Variants in DPYSL5 observed in about 807,000 individuals in gnomAD.
DPYSL5 encodes dihydropyrimidinase-related protein 5.
DPYSL5 carries 9 observed loss-of-function variants against 58.4 expected under a neutral mutation model. The observed-to-expected ratio is 0.15, with a 90% CI of 0.09 to 0.27. The LOEUF (loss-of-function observed/expected upper bound fraction) is 0.27, where lower values mean the gene tolerates loss of function less well. DPYSL5 is among the 10% of genes least tolerant of loss of function. The probability of loss-of-function intolerance (pLI) is 1.00; values close to 1 mark genes in which losing one functional copy is unlikely to be tolerated. For missense variants in DPYSL5, 499 were observed against 770.6 expected (o/e 0.65, Z 4.17); for synonymous variants, 293 against 301.9 (o/e 0.97, Z 0.31).
Position 26,934,016 on chromosome 2 carries a change from C to T in DPYSL5, c.791-562C>T, listed in dbSNP as rs376531185. Among the ~76,000 whole-genome samples, 96 of 152,196 alleles carry T rather than the reference C, an allele frequency of 6.3e-4. 2 individuals are homozygous for T. The highest frequency in any genetic ancestry group is 2.1e-3 in the African/African-American group (88 of 41,526). On this transcript the variant is annotated intron_variant, in intron 7 of 12. Transcript: ENST00000288699. This position sits in a 1 kb window ranked among gnomAD's most constrained non-coding sequence, Gnocchi z 4.3. ...AGGGCATCCTGGCCTTCAACTCTAT[C>T]GCCCTCTAGATCCCGCCACCTGCCT...
intron 8 of DPYSL5, chr2:26,939,161 A>G (rs1665255376): frequency 6.6e-6 from 1 of 151,844 alleles, no homozygotes; most frequent in Non-Finnish European, 1.5e-5. Context: ...CTTTTCAGAC[A>G]GAGTCTCCCT....
Position 26,904,719 on chromosome 2 carries a change from A to C in DPYSL5, c.261+5959A>C, listed in dbSNP as rs527903679. Among the ~76,000 whole-genome samples the C allele has an allele frequency of 2.6e-5, 4 of 152,280 alleles. No individual in the cohort carries two copies. In the South Asian group the frequency reaches 8.3e-4, roughly 32 times the overall value. ...GGAGTTTGAGAGCAGCCTGGGCAACATGGCAAAACCCCATCTCTACAAAAA... is the reference window on the plus strand; with the variant it reads ...GGAGTTTGAGAGCAGCCTGGGCAACCTGGCAAAACCCCATCTCTACAAAAA... On this transcript the variant is annotated intron_variant, in intron 2 of 12. Transcript: ENST00000288699.
intron 1 of DPYSL5, among the ~76,000 whole-genome samples, chr2:26,854,659 C>T (rs1256824150): frequency 1.3e-5 from 2 of 152,166 alleles, no homozygotes; most frequent in Non-Finnish European, 2.9e-5. Context: ...CCTCTTTTCT[C>T]GTCCAGGTGG....
At chr2:26,921,524 T>C (rs192940302) in intron 2 of DPYSL5, among the ~76,000 whole-genome samples, 98 of 152,298 alleles carry the variant, frequency 6.4e-4, no homozygotes, top group African/African-American at 2.4e-3. Flanking sequence ...TTGTGGGGGA[T>C]GACACTAAAA....
chr2:26,854,797 TTTTTTCTTTTTC>T (rs764916271), intron 1 of DPYSL5, among the ~76,000 whole-genome samples: 48 of 151,876 alleles, frequency 3.2e-4, no homozygotes, highest in African/African-American at 1.1e-3. Context: ...CATTTAAATT[TTTTTTCTTTTTC>T]TTTTTCTTTT....
At chr2:26,889,976 C>A (rs1379410723) in intron 1 of DPYSL5, among the ~76,000 whole-genome samples, 1 of 152,170 alleles carries the variant, frequency 6.6e-6, no homozygotes. Context: ...TGTCCACAGT[C>A]CACAGCGAGG....
chr2:26,921,174 C>A lies in DPYSL5; in HGVS notation c.262-3713C>A, dbSNP rs140246269. 4.7e-3 allele frequency among the ~76,000 whole-genome samples: 708 copies of A among 152,118 alleles called. 3 individuals carry two copies. Among genetic ancestry groups the A allele is most frequent in the African/African-American group, 0.016 (656 of 41,450 alleles). ...ACCTAACGTAACTAAACAAAAAAAA[C>A]CCCAATTATTTCATGTTGTCAGGAA... is the stretch of plus-strand genomic sequence containing the variant. On this transcript the variant is annotated intron_variant, in intron 2 of 12. Coordinates refer to ENST00000288699, the MANE Select transcript of DPYSL5 (RefSeq NM_020134.4).
At chr2:26,853,712 G>C (rs1405647125) in intron 1 of DPYSL5, among the ~76,000 whole-genome samples, 1 of 152,174 alleles carries the variant, frequency 6.6e-6, no homozygotes, top group African/African-American at 2.4e-5. Flanking sequence ...GGAGCTCATG[G>C]TGCACTCTTT....
At chr2:26,932,123 GAGAAAGAAAGAAAGAGAA>G (rs1352965042) in intron 6 of DPYSL5, among the ~76,000 whole-genome samples, 2 of 106,076 alleles carry the variant, frequency 1.9e-5, no homozygotes, top group Admixed American at 9.5e-5. Flanking sequence ...AAAAAAGAAA[GAGAAAGAAAGAAAGAGAA>G]AGAAAGAAAG....
chr2:26,924,409 G>A lies in DPYSL5; in HGVS notation c.262-478G>A, dbSNP rs571063024. ...TATCCAAATTAACATTTTCTATATCGTGGTTCAAATATACGTGTGTAACTA... is the reference window on the plus strand; with the variant it reads ...TATCCAAATTAACATTTTCTATATCATGGTTCAAATATACGTGTGTAACTA... On this transcript the variant is annotated intron_variant, in intron 2 of 12. Coordinates refer to ENST00000288699, the MANE Select transcript of DPYSL5 (RefSeq NM_020134.4). This position sits in a 1 kb window ranked among gnomAD's most constrained non-coding sequence, Gnocchi z 4.7. Among the ~76,000 whole-genome samples, 4 of 152,250 alleles carry A rather than the reference G, an allele frequency of 2.6e-5. No individual in the cohort carries two copies. The East Asian group carries it at 7.7e-4, about 29-fold the overall frequency.
intron 1 of DPYSL5, 198 bp downstream of exon 1, chr2:26,848,452 GTCCTCTTTGT>G (rs1416076003): frequency 6.6e-6 from 1 of 152,500 alleles, no homozygotes. Flanking sequence ...CGCTCTTGGG[GTCCTCTTTGT>G]ACGCCCGCGA....
chr2:26,917,627 A>G (rs868169952), intron 2 of DPYSL5, among the ~76,000 whole-genome samples: 1 of 152,202 alleles, frequency 6.6e-6, no homozygotes, highest in Non-Finnish European at 1.5e-5. Context: ...CCAAGTGGTC[A>G]GGTGTCCTCA....
intron 2 of DPYSL5, among the ~76,000 whole-genome samples, chr2:26,921,221 C>T (rs57703653): frequency 0.03 from 4,495 of 152,070 alleles, 205 homozygotes; most frequent in African/African-American, 0.096. Flanking sequence ...AAGAATAGCT[C>T]GGCCTGGCGT....
rs1481515815 is a variant in DPYSL5, at chr2:26,896,047, G to A, written c.-4-2449G>A. ...CCCACCTCGGCCTCCCAAAGTGCTGGGATTACAAGCATGAGCCACCGCACC... is the reference window on the plus strand; with the variant it reads ...CCCACCTCGGCCTCCCAAAGTGCTGAGATTACAAGCATGAGCCACCGCACC... On this transcript the variant is annotated intron_variant, in intron 1 of 12. Transcript: ENST00000288699. Among the ~76,000 whole-genome samples the A allele has an allele frequency of 1.1e-4, 16 of 151,786 alleles. 1 individual carries two copies. The highest frequency in any genetic ancestry group is 5.9e-5 in the Non-Finnish European group (4 of 67,918).
Position 26,898,529 on chromosome 2 carries a change from C to A in DPYSL5, c.30C>A (p.Ile10=), listed in dbSNP as rs1558336961. Residue 10 remains isoleucine (I), a synonymous_variant, in exon 2 of 13, where the codon ATC becomes ATA. Coordinates refer to ENST00000288699, the MANE Select transcript of DPYSL5 (RefSeq NM_020134.4). The surrounding 1 kb of genome is among the most constrained non-coding windows in gnomAD (Gnocchi z 6.1). ...TTGCCAACTCAGCCAGCGTGAGGAT[C>A]CTCATCAAGGGAGGCAAGGTGGTGA... The part of the protein sequence containing the change: MLANSASVR[I]LIKGGKVVND... The A allele has an allele frequency of 6.2e-7, 1 of 1,614,108 alleles. No homozygotes were observed. The highest frequency in any genetic ancestry group is 8.5e-7 in the Non-Finnish European group (1 of 1,180,002).
rs899132936 is a variant in DPYSL5 at position 26,927,200 on chromosome 2, G to A, written c.421-53G>A. 4.0e-5 allele frequency: 62 copies of A among 1,552,280 alleles called. No homozygotes were observed. The highest frequency in any genetic ancestry group is 3.0e-4 in the South Asian group (25 of 83,554). On this transcript the variant is annotated intron_variant, in intron 3 of 12. Coordinates refer to ENST00000288699, the MANE Select transcript of DPYSL5 (RefSeq NM_020134.4). The surrounding 1 kb of genome is among the most constrained non-coding windows in gnomAD (Gnocchi z 4.3). ...CATGCTGGGCCGGTGCCTGCCAGTCGGCCTCTTGGGTGTCTGCCCTCACGC... is the reference window on the plus strand; with the variant it reads ...CATGCTGGGCCGGTGCCTGCCAGTCAGCCTCTTGGGTGTCTGCCCTCACGC...
chr2:26,867,647 G>A (rs965842094), intron 1 of DPYSL5, among the ~76,000 whole-genome samples: 1 of 151,714 alleles, frequency 6.6e-6, no homozygotes, highest in Non-Finnish European at 1.5e-5. Context: ...AGTAGAGACG[G>A]GGTTTCACCG....
Position 26,947,163 on chromosome 2 carries a change from C to T in DPYSL5, c.*168C>T, listed in dbSNP as rs549318626. The T allele has an allele frequency of 3.9e-5, 23 of 590,084 alleles. No individual in the cohort carries two copies. The highest frequency in any genetic ancestry group is 2.2e-4 in the South Asian group (11 of 49,362). The allele number at this position is 590,084 out of a possible 1,614,324, so 36.6% of individuals were successfully genotyped here. A position where few individuals can be genotyped will look rare whatever the true frequency, so the allele number is the denominator to read the frequency against. On this transcript the variant is annotated 3_prime_UTR_variant, in exon 13 of 13. Transcript: ENST00000288699. The surrounding 1 kb of genome is among the most constrained non-coding windows in gnomAD (Gnocchi z 4.2). The stretch of plus-strand genomic sequence containing the variant: ...GTCTGCAAAGTGATTCACTGTGCTT[C>T]GAGCCAACTCTAACAGGCACTTTGA...
chr2:26,945,502 G>A (rs960438347), intron 12 of DPYSL5, among the ~76,000 whole-genome samples: 23 of 121,612 alleles, frequency 1.9e-4, no homozygotes, highest in Admixed American at 7.7e-4. Context: ...GCAGTTTCCC[G>A]CCCCCCCGTC....
Sources: gnomAD v4.1 joint callset for allele counts (sites outside exome capture counted in the v4.1 genomes callset) on GRCh38, gnomAD v4.1.1 for gene constraint, Gnocchi (gnomAD v3.1) non-coding constraint, MANE v1.5 for transcripts, NCBI Gene and HGNC (gene_info 2026-07-23, HGNC 2026-07-21) for gene names.